ADGRV1: variants seen among roughly 807,000 people sequenced by gnomAD.
ADGRV1 encodes the protein G-protein coupled receptor 98.
A neutral mutation model predicts 596.2 loss-of-function variants in ADGRV1; 359 were observed. That is an observed-to-expected ratio of 0.60 (90% confidence interval 0.55 to 0.66). The LOEUF (loss-of-function observed/expected upper bound fraction) is 0.66. Ranked by LOEUF, ADGRV1 falls within the 30% of genes least tolerant of loss-of-function variation. The pLI is 0.00. For missense variants in ADGRV1, 7,274 were observed against 7,575.6 expected, an observed-to-expected ratio of 0.96 and a Z score of 1.48; for synonymous variants, 2,681 against 2,679.2, an observed-to-expected ratio of 1.00 and a Z score of -0.02.
At chr5:90,586,760 G>A (rs762985855) in intron 1 of ADGRV1, among the ~76,000 whole-genome samples, 3 of 152,180 alleles carry the variant, frequency 2.0e-5, no homozygotes, top group Non-Finnish European at 4.4e-5. Context: ...TTCAGGTGGT[G>A]ACAGCTCAGT....
chr5:90,973,408 A>G (rs1226180829), intron 84 of ADGRV1, among the ~76,000 whole-genome samples: 1 of 152,204 alleles, frequency 6.6e-6, no homozygotes, highest in African/African-American at 2.4e-5. Flanking sequence ...AAAAAAGACA[A>G]TTTTAGACCA....
chr5:90,861,903 G>A (rs912462300), intron 82 of ADGRV1, among the ~76,000 whole-genome samples: 1 of 152,080 alleles, frequency 6.6e-6, no homozygotes, highest in East Asian at 1.9e-4. Flanking sequence ...GACCCAGCCT[G>A]TTTGAGGTTT....
rs1383088146 is a variant in ADGRV1, at chr5:90,853,337, G to A, written c.17258G>A (p.Trp5753Ter). Residue 5753 changes from tryptophan (W) to a stop codon, truncating the protein, a stop_gained, in exon 80 of 90, where the codon TGG becomes TAG. Coordinates refer to ENST00000405460, the MANE Select transcript of ADGRV1 (RefSeq NM_032119.4). LOFTEE classifies it high-confidence loss of function. ...TATTTGTCAATATTGGCTCTTCACT[G>A]GTATCCTCAGCAAATCAATGGACAC... is the stretch of plus-strand genomic sequence containing the variant. ...CPYLSILALH[W>*]YPQQINGHKF... 1.2e-6 allele frequency: 2 copies of A among 1,613,162 alleles called. No homozygotes were observed. Among genetic ancestry groups the A allele is most frequent in the Admixed American group, 1.7e-5 (1 of 60,006 alleles).
chr5:91,150,650 A>C (rs1193532676), intron 88 of ADGRV1, among the ~76,000 whole-genome samples: 2 of 152,190 alleles, frequency 1.3e-5, no homozygotes, highest in African/African-American at 4.8e-5. Context: ...ACCCATTCCA[A>C]CTCACTACTT....
rs532186662 is a variant in ADGRV1, at chr5:90,651,081, T to G, written c.3290-523T>G. 2.6e-5 allele frequency among the ~76,000 whole-genome samples: 4 copies of G among 152,292 alleles called. No homozygotes were observed. The South Asian group carries it at 8.3e-4, about 32-fold the overall frequency. On this transcript the variant is annotated intron_variant, in intron 17 of 89. Coordinates refer to ENST00000405460, the MANE Select transcript of ADGRV1 (RefSeq NM_032119.4). The stretch of plus-strand genomic sequence containing the variant: ...AAACCATGGAGACTACTTTGTTCTA[T>G]GTACAACCAGATCAAACTTTGCTGC...
At chr5:90,957,651 A>T (rs1364841336) in intron 83 of ADGRV1, among the ~76,000 whole-genome samples, 2 of 148,242 alleles carry the variant, frequency 1.3e-5, no homozygotes, top group Non-Finnish European at 3.0e-5. Context: ...TGTATATATA[A>T]ATATATGTGT....
chr5:90,701,220 G>C (rs1266903102), intron 34 of ADGRV1, among the ~76,000 whole-genome samples: 1 of 152,026 alleles, frequency 6.6e-6, no homozygotes, highest in Non-Finnish European at 1.5e-5. Context: ...TAAAGTCTTT[G>C]TCATCTAAAA....
chr5:90,757,206 G>A (rs933906578), intron 57 of ADGRV1, 45 bp downstream of exon 57: 1 of 1,549,036 alleles, frequency 6.5e-7, no homozygotes, highest in African/African-American at 1.4e-5. Context: ...TTGTGCTTCA[G>A]ACATTTTGTA....
rs768463861 is a variant in ADGRV1 at position 90,756,440 on chromosome 5, C to T, written c.11581-14C>T. 2.1e-6 allele frequency: 3 copies of T among 1,445,876 alleles called. No individual in the cohort carries two copies. Among genetic ancestry groups the T allele is most frequent in the Non-Finnish European group, 2.7e-6 (3 of 1,091,038 alleles). The allele number at this position is 1,445,876 out of a possible 1,614,324, so 89.6% of individuals were successfully genotyped here. ...AAAAAAAATGAAACACCATCTTTTT[C>T]CCCCATCCCCCAGGATGACCTTCCT... On this transcript the variant is annotated splice_polypyrimidine_tract_variant and intron_variant, in intron 55 of 89. Coordinates refer to ENST00000405460, the MANE Select transcript of ADGRV1 (RefSeq NM_032119.4).
intron 65 of ADGRV1, among the ~76,000 whole-genome samples, chr5:90,781,962 G>A (rs1301803248): frequency 2.6e-5 from 4 of 152,050 alleles, no homozygotes; most frequent in South Asian, 2.1e-4. Flanking sequence ...ATATTTTACT[G>A]GCCTAGAGAT....
intron 50 of ADGRV1, among the ~76,000 whole-genome samples, chr5:90,738,074 T>C (rs1237227737): frequency 6.6e-6 from 1 of 152,108 alleles, no homozygotes; most frequent in Non-Finnish European, 1.5e-5. Context: ...ATCCTTTCTT[T>C]TTATAGTTTT....
chr5:90,801,557 A>G (rs1425694722), intron 70 of ADGRV1, among the ~76,000 whole-genome samples: 1 of 151,688 alleles, frequency 6.6e-6, no homozygotes, highest in African/African-American at 2.4e-5. Flanking sequence ...CACTTGACCC[A>G]TGATTCATGT....
intron 70 of ADGRV1, among the ~76,000 whole-genome samples, chr5:90,793,468 G>T (rs1229761528): frequency 6.6e-6 from 1 of 152,168 alleles, no homozygotes; most frequent in Admixed American, 6.5e-5. Flanking sequence ...CCAAAGAGAA[G>T]ATTAGATATT....
chr5:90,838,546 G>A (rs1581274557), intron 77 of ADGRV1, among the ~76,000 whole-genome samples: 2 of 152,088 alleles, frequency 1.3e-5, no homozygotes, highest in South Asian at 2.1e-4. Context: ...TTGCTCTTAC[G>A]TGATGTCGTC....
chr5:91,102,416 G>C, intron 87 of ADGRV1, 76 bp downstream of exon 87: 1 of 1,322,966 alleles, frequency 7.6e-7, no homozygotes, highest in Non-Finnish European at 1.0e-6. Context: ...CAATATTAAA[G>C]AGTCAAGCAT....
intron 33 of ADGRV1, among the ~76,000 whole-genome samples, chr5:90,695,218 A>G (rs1041879611): frequency 1.3e-5 from 2 of 152,140 alleles, no homozygotes; most frequent in Non-Finnish European, 2.9e-5. Context: ...ATTAATCCTA[A>G]TGATAAATTT....
At chr5:90,790,759 T>C in intron 69 of ADGRV1, 114 bp from the exon 70 acceptor site, 1 of 680,882 alleles carries the variant, frequency 1.5e-6, no homozygotes. Context: ...TTGAATATAG[T>C]GATGCACAAT....
In ADGRV1 at chr5:91,096,355, G is replaced by A. The variant is rs115945482; in HGVS notation, c.18311-5864G>A. 5.3e-3 allele frequency among the ~76,000 whole-genome samples: 813 copies of A among 152,252 alleles called. 6 individuals carry two copies. The highest frequency in any genetic ancestry group is 0.019 in the African/African-American group (775 of 41,534). ...TTCTTTAAAAATGGCAGTTAAATTC[G>A]TGGAAATAATATTTTTCACTAAAAA... On this transcript the variant is annotated intron_variant, in intron 86 of 89. Coordinates refer to ENST00000405460, the MANE Select transcript of ADGRV1 (RefSeq NM_032119.4).
At chr5:90,596,651 G>A (rs960318515) in intron 1 of ADGRV1, among the ~76,000 whole-genome samples, 2 of 152,152 alleles carry the variant, frequency 1.3e-5, no homozygotes, top group Non-Finnish European at 2.9e-5. Flanking sequence ...CCAGTCAGGC[G>A]TGGCGGCGCG....
Sources: gnomAD v4.1 joint callset for allele counts (sites outside exome capture counted in the v4.1 genomes callset) on GRCh38, gnomAD v4.1.1 for gene constraint, MANE v1.5 for transcripts, NCBI Gene and HGNC (gene_info 2026-07-23, HGNC 2026-07-21) for gene names.